Variants in GFRAL observed in about 807,000 individuals in gnomAD.
GFRAL encodes GDNF family receptor alpha like.
A neutral mutation model predicts 45.4 loss-of-function variants in GFRAL; 36 were observed. The observed-to-expected ratio is 0.79, with a 90% CI of 0.61 to 1.05. GFRAL has a LOEUF of 1.05. Ranked by LOEUF, GFRAL falls within the 50% of genes least tolerant of loss-of-function variation. The pLI is 0.00. For synonymous variants in GFRAL, 166 were observed against 154.1 expected (o/e 1.08, Z -0.57); for missense variants, 507 against 467.5 (o/e 1.08, Z -0.78).
chr6:55,378,346 G>A (rs1768562140), intron 6 of GFRAL, among the ~76,000 whole-genome samples: 1 of 151,988 alleles, frequency 6.6e-6, no homozygotes, highest in Admixed American at 6.6e-5. Flanking sequence ...CAAGTAGAAA[G>A]GTTACGGTAT....
chr6:55,341,053 A>C (rs1040987726), intron 3 of GFRAL, among the ~76,000 whole-genome samples: 9 of 152,186 alleles, frequency 5.9e-5, no homozygotes, highest in African/African-American at 2.2e-4. Context: ...AGCCCATCGC[A>C]GCTCAAGGAG....
At chr6:55,388,508 A>C (rs957606330) in intron 6 of GFRAL, among the ~76,000 whole-genome samples, 1 of 152,144 alleles carries the variant, frequency 6.6e-6, no homozygotes, top group Non-Finnish European at 1.5e-5. Context: ...ACAGTCTAAA[A>C]CTTACAATGG....
rs116104560 is a variant in GFRAL, at chr6:55,357,322, T to G, written c.702-1566T>G. Among the ~76,000 whole-genome samples the G allele has an allele frequency of 8.5e-3, 1,295 of 152,058 alleles. 14 individuals carry two copies. The highest frequency in any genetic ancestry group is 0.012 in the Non-Finnish European group (790 of 67,874). ...CTCTCTCTTTAGGTCTAATACTATT[T>G]GCTTTACATGTCTAGGTACTGCAGT... On this transcript the variant is annotated intron_variant, in intron 5 of 8. Coordinates refer to ENST00000340465, the MANE Select transcript of GFRAL (RefSeq NM_207410.2).
intron 6 of GFRAL, among the ~76,000 whole-genome samples, chr6:55,387,711 G>C (rs1000389150): frequency 1.3e-5 from 2 of 152,184 alleles, no homozygotes; most frequent in African/African-American, 4.8e-5. Flanking sequence ...ATTAGTATCA[G>C]ATTTTCTCAA....
At chr6:55,353,697 C>G (rs1430661786) in intron 5 of GFRAL, among the ~76,000 whole-genome samples, 1 of 152,024 alleles carries the variant, frequency 6.6e-6, no homozygotes, top group Non-Finnish European at 1.5e-5. Context: ...TTTCTTTTTA[C>G]ACATTTTAAC....
chr6:55,377,201 C>G (rs1434544562), intron 6 of GFRAL, among the ~76,000 whole-genome samples: 1 of 151,966 alleles, frequency 6.6e-6, no homozygotes, highest in Admixed American at 6.6e-5. Context: ...TTCCAGCCCC[C>G]AATAGGCAGT....
intron 6 of GFRAL, among the ~76,000 whole-genome samples, chr6:55,374,089 T>C (rs1477211062): frequency 6.6e-6 from 1 of 152,222 alleles, no homozygotes; most frequent in Non-Finnish European, 1.5e-5. Flanking sequence ...TCATTCCTTT[T>C]TATGGCTGCA....
At chr6:55,370,275 C>T (rs1448805519) in intron 6 of GFRAL, among the ~76,000 whole-genome samples, 3 of 151,798 alleles carry the variant, frequency 2.0e-5, no homozygotes, top group Non-Finnish European at 4.4e-5. Context: ...TTTCCCAATA[C>T]AGAAATTAGT....
rs2127349542 is a variant in GFRAL at position 55,331,866 on chromosome 6, A to G, written c.157+17A>G. The G allele has an allele frequency of 1.3e-6, 2 of 1,595,468 alleles. No individual in the cohort carries two copies. The highest frequency in any genetic ancestry group is 1.7e-6 in the Non-Finnish European group (2 of 1,169,924). On this transcript the variant is annotated intron_variant, in intron 2 of 8. Coordinates refer to ENST00000340465, the MANE Select transcript of GFRAL (RefSeq NM_207410.2). ...ATGATTCAGGTAAACAAGTTGCTAAAAATACACTCAAATGATTTATTTTTA... is the reference window on the plus strand; with the variant it reads ...ATGATTCAGGTAAACAAGTTGCTAAGAATACACTCAAATGATTTATTTTTA...
chr6:55,328,516 CTTTTG>C (rs1243589743), intron 1 of GFRAL, among the ~76,000 whole-genome samples: 2 of 151,642 alleles, frequency 1.3e-5, no homozygotes, highest in African/African-American at 4.8e-5. Context: ...TTCAGTTTTT[CTTTTG>C]TTTAAGTAAT....
intron 6 of GFRAL, among the ~76,000 whole-genome samples, chr6:55,368,060 C>G (rs911269889): frequency 6.7e-6 from 1 of 148,826 alleles, no homozygotes; most frequent in African/African-American, 2.5e-5. Flanking sequence ...TCCATTCTCC[C>G]CATCACTTTC....
chr6:55,354,344 G>T (rs1162153750), intron 5 of GFRAL, among the ~76,000 whole-genome samples: 1 of 151,976 alleles, frequency 6.6e-6, no homozygotes, highest in Non-Finnish European at 1.5e-5. Flanking sequence ...TTTTCAAAAT[G>T]TTTGGTGTGG....
chr6:55,388,373 G>A (rs149153923), intron 6 of GFRAL, among the ~76,000 whole-genome samples: 587 of 152,312 alleles, frequency 3.9e-3, no homozygotes, highest in Non-Finnish European at 5.9e-3. Context: ...ACTCATCTTA[G>A]TGATACACTG....
rs79683091 is a variant in GFRAL at position 55,351,371 on chromosome 6, T to C, written c.489T>C (p.Asp163=). 6 of 1,613,666 alleles carry C rather than the reference T, an allele frequency of 3.7e-6. No individual in the cohort carries two copies. The East Asian group carries it at 8.9e-5, about 24-fold the overall frequency. ...GCTCAGCAAATGGAAATCCGTGTGA[T>C]CTGAAACAGTGCCAAGCAGCCATAC... ...KACSANGNPC[D]LKQCQAAIRF... The change falls in exon 5 of 9, where the codon GAT becomes GAC. Residue 163 remains aspartate (D), a synonymous_variant. Transcript: ENST00000340465.
intron 5 of GFRAL, among the ~76,000 whole-genome samples, chr6:55,357,709 A>G (rs1768214145): frequency 6.6e-6 from 1 of 151,740 alleles, no homozygotes; most frequent in Non-Finnish European, 1.5e-5. Context: ...CCAAAGTAGT[A>G]TTTTATTTTT....
intron 5 of GFRAL, among the ~76,000 whole-genome samples, chr6:55,356,628 G>T (rs578137202): frequency 4.0e-5 from 6 of 151,754 alleles, no homozygotes; most frequent in African/African-American, 1.4e-4. Flanking sequence ...ATGGTTTGGA[G>T]ATTTTATCTT....
chr6:55,399,637 C>A (rs980848830), intron 8 of GFRAL, among the ~76,000 whole-genome samples, 196 bp downstream of exon 8: 10 of 152,124 alleles, frequency 6.6e-5, no homozygotes, highest in Non-Finnish European at 1.2e-4. Flanking sequence ...AAAATGTGAT[C>A]ATAGGAGATT....
Position 55,331,766 on chromosome 6 carries a change from C to T in GFRAL, c.74C>T (p.Thr25Ile), listed in dbSNP as rs1767832249. Residue 25 changes from threonine to isoleucine, a missense_variant, in exon 2 of 9, where the codon ACA becomes ATA. Thr to Ile is a moderately conservative substitution (Grantham distance 89, BLOSUM62 -1). Coordinates refer to ENST00000340465, the MANE Select transcript of GFRAL (RefSeq NM_207410.2). ...NEYTSQTNNCTYLREQCLRDA... is the reference protein window; with the variant it reads ...NEYTSQTNNCIYLREQCLRDA... ...TACACTTCCCAAACCAATAATTGCA[C>T]ATATTTAAGAGAGCAATGCTTACGT... 2 of 1,611,116 alleles carry T rather than the reference C, an allele frequency of 1.2e-6. No individual in the cohort carries two copies. The highest frequency in any genetic ancestry group is 2.7e-5 in the African/African-American group (2 of 74,896).
intron 3 of GFRAL, among the ~76,000 whole-genome samples, chr6:55,339,624 G>T (rs902734419): frequency 6.6e-6 from 1 of 152,122 alleles, no homozygotes; most frequent in African/African-American, 2.4e-5. Context: ...GCCAATGAAA[G>T]AGAGGACATG....
Sources: allele counts gnomAD v4.1 joint callset (sites outside exome capture counted in the v4.1 genomes callset), GRCh38; gene constraint gnomAD v4.1.1; transcripts MANE v1.5; gene names NCBI Gene and HGNC (gene_info 2026-07-23, HGNC 2026-07-21).